Variants in SPAG16 observed in about 807,000 individuals in gnomAD.
The protein encoded by SPAG16 is sperm associated antigen 16.
SPAG16 carries 86 observed loss-of-function variants against 80.4 expected under a neutral mutation model. That is an observed-to-expected ratio of 1.07 (90% CI 0.90 to 1.28). The LOEUF (loss-of-function observed/expected upper bound fraction) is 1.28. Among genes scored for constraint, SPAG16 ranks in the 50% most tolerant of loss-of-function variants. SPAG16 has a pLI of 0.00. For missense variants in SPAG16, 870 were observed against 765.3 expected (o/e 1.14, Z -1.61); for synonymous variants, 294 against 265.9 (o/e 1.11, Z -1.03).
intron 11 of SPAG16, among the ~76,000 whole-genome samples, chr2:213,909,404 A>T (rs946010776): frequency 6.6e-6 from 1 of 152,208 alleles, no homozygotes; most frequent in African/African-American, 2.4e-5. Context: ...GCCAAAAAAG[A>T]GCCCGCATCG....
intron 15 of SPAG16, among the ~76,000 whole-genome samples, chr2:214,399,236 C>T (rs1038134039): frequency 2.0e-4 from 31 of 152,130 alleles, no homozygotes; most frequent in Admixed American, 6.5e-4. Flanking sequence ...ACAAGACCTT[C>T]GCATTTGATA....
At position 213,980,712 on chromosome 2, in the gene SPAG16, G is replaced by GTGTATATATATATATATA. The variant is rs1469351640; in HGVS notation, c.1401-33238_1401-33237insGTATATATATATATATAT. Among the ~76,000 whole-genome samples, 26 of 113,960 alleles carry GTGTATATATATATATATA rather than the reference G, an allele frequency of 2.3e-4. 1 individual carries two copies. Among genetic ancestry groups the GTGTATATATATATATATA allele is most frequent in the Non-Finnish European group, 3.1e-4 (18 of 58,958 alleles). The allele number at this position is 113,960 out of a possible 152,430, so 74.8% of individuals were successfully genotyped here. On this transcript the variant is annotated intron_variant, in intron 12 of 15. Coordinates refer to ENST00000331683, the MANE Select transcript of SPAG16 (RefSeq NM_024532.5). ...ATAGAATATATGTGTGTGTGTGTGT[G>GTGTATATATATATATATA]TATATATATATATAGAGAGAGAGAG...
At chr2:213,995,318 G>T (rs546484493) in intron 12 of SPAG16, among the ~76,000 whole-genome samples, 2 of 152,178 alleles carry the variant, frequency 1.3e-5, no homozygotes, top group African/African-American at 2.4e-5. Flanking sequence ...GCGGGGTGGG[G>T]CTCAGGAAAA....
chr2:214,131,471 A>C (rs2054773921), intron 14 of SPAG16, among the ~76,000 whole-genome samples: 1 of 152,160 alleles, frequency 6.6e-6, no homozygotes, highest in Middle Eastern at 3.2e-3. Context: ...GCTAACTAAA[A>C]GTCAGTGGAG....
intron 15 of SPAG16, among the ~76,000 whole-genome samples, chr2:214,409,116 A>G (rs995119301): frequency 1.3e-5 from 2 of 151,864 alleles, no homozygotes; most frequent in Non-Finnish European, 2.9e-5. Flanking sequence ...TTATCATTAG[A>G]TTACTGTAAC....
rs370116929 is a variant in SPAG16, at chr2:213,844,506, A to T, written c.1071-17979A>T. Among the ~76,000 whole-genome samples, 256 of 152,348 alleles carry T rather than the reference A, an allele frequency of 1.7e-3. 3 individuals carry two copies. The highest frequency in any genetic ancestry group is 6.0e-3 in the African/African-American group (249 of 41,586). The stretch of plus-strand genomic sequence containing the variant: ...AATTCATGTGTAATTTGAAAAATAT[A>T]ACATTTCACATAATATTCATAATAT... On this transcript the variant is annotated intron_variant, in intron 10 of 15. Coordinates refer to ENST00000331683, the MANE Select transcript of SPAG16 (RefSeq NM_024532.5).
Position 214,123,805 on chromosome 2 carries a change from A to C in SPAG16, c.1593+15544A>C, listed in dbSNP as rs553872642. 2.0e-5 allele frequency among the ~76,000 whole-genome samples: 3 copies of C among 152,152 alleles called. 1 individual carries two copies. Among genetic ancestry groups the C allele is most frequent in the African/African-American group, 7.2e-5 (3 of 41,548 alleles). The stretch of plus-strand genomic sequence containing the variant: ...CAAGCATAGGCAATAAGAGAGGCCA[A>C]GTTCCTGAAGTGGTGACAACATGGT... On this transcript the variant is annotated intron_variant, in intron 14 of 15. Coordinates refer to ENST00000331683, the MANE Select transcript of SPAG16 (RefSeq NM_024532.5).
chr2:213,836,563 C>A (rs913715683), intron 10 of SPAG16, among the ~76,000 whole-genome samples: 2 of 151,734 alleles, frequency 1.3e-5, no homozygotes, highest in African/African-American at 2.4e-5. Flanking sequence ...CTTTTAGCAA[C>A]CCTGATTTTT....
At chr2:214,332,670 T>TTGAAGTGA (rs1697004443) in intron 15 of SPAG16, among the ~76,000 whole-genome samples, 1 of 152,218 alleles carries the variant, frequency 6.6e-6, no homozygotes, top group African/African-American at 2.4e-5. Flanking sequence ...TGTCTCATTT[T>TTGAAGTGA]TGAAGTGATC....
intron 15 of SPAG16, among the ~76,000 whole-genome samples, chr2:214,293,817 C>G (rs924324599): frequency 6.6e-5 from 10 of 152,172 alleles, no homozygotes; most frequent in Admixed American, 5.9e-4. Flanking sequence ...AGAATGCAGG[C>G]CTTTGAAGAC....
At chr2:213,581,852 AGGGTGCTTTGCTTGAT>A in intron 10 of SPAG16, among the ~76,000 whole-genome samples, 1 of 152,294 alleles carries the variant, frequency 6.6e-6, no homozygotes, top group Non-Finnish European at 1.5e-5. Flanking sequence ...ATGTGAATCA[AGGGTGCTTTGCTTGAT>A]GCCTTGCTTC....
chr2:213,520,797 T>G (rs1388086423), intron 10 of SPAG16, among the ~76,000 whole-genome samples: 1 of 152,242 alleles, frequency 6.6e-6, no homozygotes, highest in African/African-American at 2.4e-5. Flanking sequence ...TGTAATTACC[T>G]AAGTGAATTA....
chr2:213,950,439 CTCT>C (rs942093506), intron 12 of SPAG16, among the ~76,000 whole-genome samples: 6 of 152,050 alleles, frequency 3.9e-5, no homozygotes, highest in African/African-American at 9.7e-5. Context: ...AAGCCCTTTC[CTCT>C]TCTTTGATTG....
At chr2:213,765,692 G>A (rs2068902907) in intron 10 of SPAG16, among the ~76,000 whole-genome samples, 1 of 151,988 alleles carries the variant, frequency 6.6e-6, no homozygotes, top group African/African-American at 2.4e-5. Flanking sequence ...TTAAAAATAT[G>A]CTTCTTTTAA....
chr2:213,919,780 G>A (rs2078127180), intron 11 of SPAG16, among the ~76,000 whole-genome samples: 1 of 152,060 alleles, frequency 6.6e-6, no homozygotes, highest in African/African-American at 2.4e-5. Flanking sequence ...GTTTTGGGAG[G>A]GGAGAGTTCT....
intron 4 of SPAG16, among the ~76,000 whole-genome samples, chr2:213,310,533 T>C (rs547741842): frequency 6.6e-6 from 1 of 152,130 alleles, no homozygotes; most frequent in South Asian, 2.1e-4. Context: ...TGTATAATTA[T>C]TGAGAGTATT....
At chr2:213,294,722 G>C (rs1268175541) in intron 1 of SPAG16, among the ~76,000 whole-genome samples, 1 of 152,138 alleles carries the variant, frequency 6.6e-6, no homozygotes, top group African/African-American at 2.4e-5. Flanking sequence ...ACTTGTGATG[G>C]AGCTTAGTAG....
intron 13 of SPAG16, among the ~76,000 whole-genome samples, chr2:214,089,827 A>G (rs1226009150): frequency 6.6e-6 from 1 of 151,970 alleles, no homozygotes; most frequent in African/African-American, 2.4e-5. Context: ...CCCTCCCTAA[A>G]TCCATCCATA....
chr2:213,984,896 T>G (rs543045794), intron 12 of SPAG16, among the ~76,000 whole-genome samples: 1 of 152,270 alleles, frequency 6.6e-6, no homozygotes, highest in African/African-American at 2.4e-5. Flanking sequence ...ACATGGCTTA[T>G]TCCCTCACTT....
Sources: allele counts gnomAD v4.1 joint callset (sites outside exome capture counted in the v4.1 genomes callset), GRCh38; gene constraint gnomAD v4.1.1; transcripts MANE v1.5; gene names NCBI Gene and HGNC (gene_info 2026-07-23, HGNC 2026-07-21).